Variants in TMEM131 observed in about 807,000 individuals in gnomAD.
The protein encoded by TMEM131 is transmembrane protein 131.
In TMEM131, 66 loss-of-function variants were observed where a neutral mutation model predicts 211.6. The ratio of observed to expected loss-of-function variants is 0.31; its 90% CI spans 0.26 to 0.38. TMEM131 has a LOEUF of 0.38. Among genes scored for constraint, TMEM131 ranks in the 10% least tolerant of loss-of-function variants. The pLI is 1.00. For synonymous variants in TMEM131, 844 were observed against 841.3 expected (o/e 1.00, Z -0.06); for missense variants, 2,036 against 2,299.3 (o/e 0.89, Z 2.34).
intron 4 of TMEM131, among the ~76,000 whole-genome samples, chr2:97,874,930 GAA>G (rs758531281): frequency 6.6e-6 from 1 of 151,970 alleles, no homozygotes; most frequent in Admixed American, 6.5e-5. Flanking sequence ...CTGGCAAACT[GAA>G]AAAAGAGTCA....
At chr2:97,761,939 T>C (rs1573315532) in intron 36 of TMEM131, 96 bp downstream of exon 36, 2 of 1,322,706 alleles carry the variant, frequency 1.5e-6, no homozygotes, top group East Asian at 5.3e-5. Flanking sequence ...CACCAGACAG[T>C]GGCCTGTGGC....
intron 21 of TMEM131, 50 bp from the exon 22 acceptor site, chr2:97,805,255 T>C (rs776388783): frequency 6.3e-7 from 1 of 1,575,548 alleles, no homozygotes; most frequent in South Asian, 1.1e-5. Flanking sequence ...CTTGTCAATT[T>C]TCCTTCAAAT....
intron 1 of TMEM131, among the ~76,000 whole-genome samples, chr2:97,932,354 A>T (rs1446190131): frequency 6.6e-6 from 1 of 152,162 alleles, no homozygotes; most frequent in Admixed American, 6.5e-5. Flanking sequence ...TAGTTTTATT[A>T]TCTGAAAAAT....
At chr2:97,820,583 G>C (rs115140728) in intron 11 of TMEM131, among the ~76,000 whole-genome samples, 1,820 of 152,246 alleles carry the variant, frequency 0.012, 39 homozygotes, top group African/African-American at 0.041. Flanking sequence ...TCCTGGCTGG[G>C]CATGGTGACT....
At chr2:97,987,014 G>T (rs72944842) in intron 1 of TMEM131, among the ~76,000 whole-genome samples, 3,756 of 152,246 alleles carry the variant, frequency 0.025, 166 homozygotes, top group African/African-American at 0.087. Context: ...TCCATGTAGG[G>T]CCCTTGCCAT....
intron 4 of TMEM131, among the ~76,000 whole-genome samples, chr2:97,877,135 TC>T (rs1222745436): frequency 1.3e-5 from 2 of 152,002 alleles, no homozygotes; most frequent in East Asian, 3.9e-4. Flanking sequence ...TACCTAGGAA[TC>T]CAACTAACAA....
intron 1 of TMEM131, among the ~76,000 whole-genome samples, chr2:97,993,187 C>T (rs1163979677): frequency 6.6e-6 from 1 of 152,166 alleles, no homozygotes. Flanking sequence ...AAAATACCTG[C>T]AGAATCATCA....
At chr2:97,888,715 T>C (rs1005910778) in intron 3 of TMEM131, among the ~76,000 whole-genome samples, 4 of 152,196 alleles carry the variant, frequency 2.6e-5, no homozygotes, top group Admixed American at 6.5e-5. Flanking sequence ...GATTTCTGAA[T>C]AGCAAACCTC....
At chr2:97,874,771 T>C (rs1189849327) in intron 4 of TMEM131, among the ~76,000 whole-genome samples, 1 of 152,138 alleles carries the variant, frequency 6.6e-6, no homozygotes, top group Non-Finnish European at 1.5e-5. Context: ...TGTAAAAATA[T>C]ACTAAATTGT....
At chr2:97,805,812 AC>A in intron 19 of TMEM131, 109 bp from the exon 20 acceptor site, 3 of 994,140 alleles carry the variant, frequency 3.0e-6, no homozygotes, top group Non-Finnish European at 4.2e-6. Flanking sequence ...AGCCCAAAAG[AC>A]ATCTTAGAAT....
chr2:97,956,160 G>A (rs1008284819), intron 1 of TMEM131, among the ~76,000 whole-genome samples: 2 of 152,200 alleles, frequency 1.3e-5, no homozygotes, highest in Non-Finnish European at 2.9e-5. Context: ...GACATGCACA[G>A]ACTAATGGAA....
chr2:97,786,547 A>G (rs541342958), intron 31 of TMEM131, among the ~76,000 whole-genome samples: 3 of 152,224 alleles, frequency 2.0e-5, no homozygotes, highest in South Asian at 4.1e-4. Context: ...CAAAAACCAA[A>G]AACTCTTTAT....
At chr2:97,775,786 A>G in intron 32 of TMEM131, 57 bp downstream of exon 32, 2 of 1,545,140 alleles carry the variant, frequency 1.3e-6, no homozygotes, top group Non-Finnish European at 1.7e-6. Flanking sequence ...AGGTCTTGTG[A>G]GCTGCAGGAG....
At chr2:97,902,772 C>G (rs1390742796) in intron 3 of TMEM131, among the ~76,000 whole-genome samples, 1 of 152,148 alleles carries the variant, frequency 6.6e-6, no homozygotes, top group Non-Finnish European at 1.5e-5. Context: ...CACCCTTAAT[C>G]TGGTGGGCAC....
chr2:97,822,392 G>A (rs1054853328), intron 11 of TMEM131, among the ~76,000 whole-genome samples: 1 of 152,180 alleles, frequency 6.6e-6, no homozygotes, highest in African/African-American at 2.4e-5. Context: ...GAGAAGTGAG[G>A]ATAAAAGGCG....
intron 11 of TMEM131, among the ~76,000 whole-genome samples, chr2:97,823,004 T>C (rs933310849): frequency 6.6e-6 from 1 of 152,176 alleles, no homozygotes; most frequent in African/African-American, 2.4e-5. Context: ...AATACTATCC[T>C]GCAGCTTGAC....
At chr2:97,925,433 C>T (rs956850343) in intron 2 of TMEM131, among the ~76,000 whole-genome samples, 6 of 152,252 alleles carry the variant, frequency 3.9e-5, no homozygotes, top group African/African-American at 1.2e-4. Flanking sequence ...ATCTTAGGAA[C>T]GGTCTGATCT....
At chr2:97,926,596 A>G (rs1677002914) in intron 2 of TMEM131, among the ~76,000 whole-genome samples, 1 of 152,134 alleles carries the variant, frequency 6.6e-6, no homozygotes, top group Non-Finnish European at 1.5e-5. Context: ...ACTTGCCCTC[A>G]ACATTTTTCT....
chr2:97,814,305 G>C lies in TMEM131; in HGVS notation c.1376C>G (p.Thr459Ser), dbSNP rs1316553963. The C allele has an allele frequency of 1.2e-6, 2 of 1,613,890 alleles. No homozygotes were observed. Among genetic ancestry groups the C allele is most frequent in the Non-Finnish European group, 1.7e-6 (2 of 1,179,862 alleles). The change falls in exon 14 of 41, where the codon ACT becomes AGT. Residue 459 changes from threonine (T) to serine (S), a missense_variant. Coordinates refer to ENST00000186436, the MANE Select transcript of TMEM131 (RefSeq NM_015348.2). Reference protein sequence around the residue: ...ADPVERPIYLTNTFSFAILIH... With the variant: ...ADPVERPIYLSNTFSFAILIH... ...GAGGATCGCAAAACTGAAAGTGTTA[G>C]TAAGGTAAATTGGCCTTTCCACAGG...
Sources: gnomAD v4.1 joint callset for allele counts (sites outside exome capture counted in the v4.1 genomes callset) on GRCh38, gnomAD v4.1.1 for gene constraint, MANE v1.5 for transcripts, NCBI Gene and HGNC (gene_info 2026-07-23, HGNC 2026-07-21) for gene names.